AAK1: variants seen among roughly 807,000 people sequenced by gnomAD.
The protein encoded by AAK1 is AP2-associated protein kinase 1.
AAK1 carries 37 observed loss-of-function variants against 116.0 expected under a neutral mutation model. The ratio of observed to expected loss-of-function variants is 0.32; its 90% CI spans 0.25 to 0.42. The LOEUF is 0.42. AAK1 is among the 10% of genes least tolerant of loss of function. The probability of loss-of-function intolerance (pLI) is 1.00; values close to 1 mark genes in which losing one functional copy is unlikely to be tolerated. For missense variants in AAK1, 919 were observed against 1,170.6 expected, an observed-to-expected ratio of 0.79 and a Z score of 3.14; for synonymous variants, 458 against 439.9, an observed-to-expected ratio of 1.04 and a Z score of -0.51.
chr2:69,498,773 G>C (rs375572701), intron 16 of AAK1, among the ~76,000 whole-genome samples: 1 of 152,176 alleles, frequency 6.6e-6, no homozygotes, highest in Non-Finnish European at 1.5e-5. Flanking sequence ...AAAGACATAC[G>C]GCACCTGCTT....
chr2:69,642,969 C>T lies in AAK1; in HGVS notation c.72G>A (p.Gly24=), dbSNP rs1396522588. ...CACTGCCCAGGCCCGAGGTGCTGCCCCCTCCTCCGCTGGAGCCGGAGCCCA... is the reference window on the plus strand; with the variant it reads ...CACTGCCCAGGCCCGAGGTGCTGCCTCCTCCTCCGCTGGAGCCGGAGCCCA... The part of the protein sequence containing the change: ...SGLGSGSSGG[G]GSTSGLGSGY... Residue 24 remains glycine (G), a synonymous_variant, in exon 2 of 22, where the codon GGG becomes GGA. Transcript: ENST00000409085. The T allele has an allele frequency of 6.2e-7, 1 of 1,613,012 alleles. No homozygotes were observed. The highest frequency in any genetic ancestry group is 8.5e-7 in the Non-Finnish European group (1 of 1,179,648).
chr2:69,473,373 A>G lies in AAK1; in HGVS notation c.*2496T>C, dbSNP rs1674744419. Reference sequence around the variant, plus strand: ...ATGCTCAACTCAAATAAACTCTTTCAGCTCAGGGATGATGCTCTAAACCAA... The same window carrying G: ...ATGCTCAACTCAAATAAACTCTTTCGGCTCAGGGATGATGCTCTAAACCAA... On this transcript the variant is annotated 3_prime_UTR_variant, in exon 22 of 22. Transcript: ENST00000409085. 1.0e-6 allele frequency: 1 copy of G among 985,504 alleles called. No homozygotes were observed. Among genetic ancestry groups the G allele is most frequent in the Non-Finnish European group, 1.2e-6 (1 of 829,958 alleles). The allele number at this position is 985,504 out of a possible 1,614,324, so 61.0% of individuals were successfully genotyped here. A position where few individuals can be genotyped will look rare whatever the true frequency, so the allele number is the denominator to read the frequency against.
chr2:69,550,535 C>T (rs72895346), intron 3 of AAK1, among the ~76,000 whole-genome samples: 9,260 of 152,060 alleles, frequency 0.061, 860 homozygotes, highest in African/African-American at 0.21. Context: ...ATCTCTTGAC[C>T]TCATGATCCG....
intron 2 of AAK1, among the ~76,000 whole-genome samples, chr2:69,642,539 G>C (rs1417532482): frequency 2.0e-5 from 3 of 151,976 alleles, no homozygotes; most frequent in Non-Finnish European, 4.4e-5. Context: ...AGTTTTAGGA[G>C]GATGACAAGC....
In AAK1 at chr2:69,475,264, T is replaced by G; in HGVS notation, c.*605A>C. 2 of 985,786 alleles carry G rather than the reference T, an allele frequency of 2.0e-6. No homozygotes were observed. Among genetic ancestry groups the G allele is most frequent in the Middle Eastern group, 5.2e-4 (1 of 1,914 alleles). 61.1% of individuals were successfully genotyped at this position (985,786 alleles called of 1,614,324 possible). A position where few individuals can be genotyped will look rare whatever the true frequency, so the allele number is the denominator to read the frequency against. On this transcript the variant is annotated 3_prime_UTR_variant, in exon 22 of 22. Transcript: ENST00000409085. ...AGTCTATGATCAAACAAGGTCAAAG[T>G]TGGTTGGCTAGAGCTGGGCTCAATT...
chr2:69,589,507 G>A (rs921769197), intron 2 of AAK1, among the ~76,000 whole-genome samples: 6 of 151,954 alleles, frequency 3.9e-5, no homozygotes, highest in African/African-American at 4.8e-5. Context: ...TCAGGAGTTC[G>A]AGACCAGCCT....
At position 69,530,476 on chromosome 2, in the gene AAK1, T is replaced by G. The variant is rs1171083553; in HGVS notation, c.738+149A>C. The G allele has an allele frequency of 3.6e-4, 223 of 611,162 alleles. 1 individual carries two copies. 37.9% of individuals were successfully genotyped at this position (611,162 alleles called of 1,614,324 possible). A position where few individuals can be genotyped will look rare whatever the true frequency, so the allele number is the denominator to read the frequency against. ...TCATGCTTCAAGAAGCAGTGGCTGG[T>G]ATTCTCACATCAAGAATAACCTTGA... On this transcript the variant is annotated intron_variant, in intron 7 of 21. Coordinates refer to ENST00000409085, the MANE Select transcript of AAK1 (RefSeq NM_014911.5).
intron 2 of AAK1, among the ~76,000 whole-genome samples, chr2:69,637,949 T>C (rs1444149429): frequency 2.6e-5 from 4 of 152,216 alleles, no homozygotes; most frequent in Non-Finnish European, 5.9e-5. Context: ...TTAGAAAGAC[T>C]GAAAGAAAGA....
In AAK1 at chr2:69,631,895, G is replaced by A. The variant is rs565839121; in HGVS notation, c.163+10983C>T. Among the ~76,000 whole-genome samples, 7 of 152,262 alleles carry A rather than the reference G, an allele frequency of 4.6e-5. No homozygotes were observed. The South Asian group carries it at 6.2e-4, about 14-fold the overall frequency. ...TTCAGGAGGCTGAGGTGGAAGGATC[G>A]CTTGAGCCCGGGAGGCGGAGGTTGC... On this transcript the variant is annotated intron_variant, in intron 2 of 21. Coordinates refer to ENST00000409085, the MANE Select transcript of AAK1 (RefSeq NM_014911.5).
At chr2:69,599,398 AC>A (rs146903492) in intron 2 of AAK1, among the ~76,000 whole-genome samples, 33,821 of 148,910 alleles carry the variant, frequency 0.23, 4,815 homozygotes, top group East Asian at 0.5. Flanking sequence ...AAAAAAAAAA[AC>A]TTCACTGAAA....
rs1234282169 is a variant in AAK1, at chr2:69,468,278, A to G, written c.*7591T>C. The stretch of plus-strand genomic sequence containing the variant: ...TTTCTCAGGCAAGTAAATTGATATT[A>G]GATTTGTCTCAGTGATACCAAGATG... On this transcript the variant is annotated 3_prime_UTR_variant, in exon 22 of 22. Transcript: ENST00000409085. The G allele has an allele frequency of 1.4e-5, 14 of 985,210 alleles. No homozygotes were observed. Among genetic ancestry groups the G allele is most frequent in the African/African-American group, 1.7e-5 (1 of 57,246 alleles). 61.0% of individuals were successfully genotyped at this position (985,210 alleles called of 1,614,324 possible). A position where few individuals can be genotyped will look rare whatever the true frequency, so the allele number is the denominator to read the frequency against.
intron 2 of AAK1, among the ~76,000 whole-genome samples, chr2:69,600,175 AC>A (rs1409738819): frequency 1.3e-5 from 2 of 152,146 alleles, no homozygotes; most frequent in Non-Finnish European, 2.9e-5. Context: ...TTTGGAAAGG[AC>A]TTTGAAGACA....
At chr2:69,640,079 T>TCTCTC (rs746154277) in intron 2 of AAK1, among the ~76,000 whole-genome samples, 13 of 136,412 alleles carry the variant, frequency 9.5e-5, no homozygotes, top group East Asian at 4.6e-4. Context: ...TCTCTCTCTC[T>TCTCTC]CCCCCCCCAC....
chr2:69,541,328 G>C (rs1670712307), intron 5 of AAK1, among the ~76,000 whole-genome samples: 2 of 150,282 alleles, frequency 1.3e-5, no homozygotes, highest in Admixed American at 1.3e-4. Flanking sequence ...CCTCCCAGGT[G>C]CAAGTGATTC....
intron 3 of AAK1, 145 bp downstream of exon 3, chr2:69,556,715 A>C: frequency 1.6e-6 from 1 of 633,916 alleles, no homozygotes; most frequent in Non-Finnish European, 2.8e-6. Flanking sequence ...GCGGTGTCCT[A>C]TATCCCATGG....
Position 69,471,846 on chromosome 2 carries a change from C to A in AAK1, c.*4023G>T, listed in dbSNP as rs1165901883. 6 of 985,292 alleles carry A rather than the reference C, an allele frequency of 6.1e-6. No individual in the cohort carries two copies. In the African/African-American group the frequency reaches 1.0e-4, roughly 17 times the overall value. 61.0% of individuals were successfully genotyped at this position (985,292 alleles called of 1,614,324 possible). On this transcript the variant is annotated 3_prime_UTR_variant, in exon 22 of 22. Transcript: ENST00000409085. ...CCTGGGGAAGGTTATATTGGTTGAT[C>A]AATTATCTGTCAGGAGAGTAGGAAA... is the stretch of plus-strand genomic sequence containing the variant.
chr2:69,482,398 C>A, intron 18 of AAK1: 2 of 562,426 alleles, frequency 3.6e-6, no homozygotes, highest in Non-Finnish European at 6.3e-6. Context: ...TCATTAAGTT[C>A]AGTAAAGGTA....
intron 10 of AAK1, among the ~76,000 whole-genome samples, chr2:69,522,466 A>G (rs1353887636): frequency 6.6e-6 from 1 of 152,122 alleles, no homozygotes; most frequent in African/African-American, 2.4e-5. Context: ...GGGATGTGGG[A>G]AGAAAAATGG....
In AAK1 at chr2:69,466,688, TAA is replaced by T. The variant is rs1674497100; in HGVS notation, c.*9179_*9180del. The T allele has an allele frequency of 6.3e-6, 7 of 1,107,682 alleles. No homozygotes were observed. In the Admixed American group the frequency reaches 3.3e-4, roughly 52 times the overall value. The allele number at this position is 1,107,682 out of a possible 1,614,324, so 68.6% of individuals were successfully genotyped here. On this transcript the variant is annotated 3_prime_UTR_variant, in exon 22 of 22. Transcript: ENST00000409085. ...AAATGCAACAGGAAAAACATAAAAA[TAA>T]AAGTCAGGCAAGGAAACTGCACACA... is the stretch of plus-strand genomic sequence containing the variant.
Sources: gnomAD v4.1 joint callset for allele counts (sites outside exome capture counted in the v4.1 genomes callset) on GRCh38, gnomAD v4.1.1 for gene constraint, MANE v1.5 for transcripts, NCBI Gene and HGNC (gene_info 2026-07-23, HGNC 2026-07-21) for gene names.